SERINC5: variants seen among roughly 807,000 people sequenced by gnomAD.
The protein encoded by SERINC5 is serine incorporator 5, also known as chromosome 5 open reading frame 12.
A neutral mutation model predicts 63.1 loss-of-function variants in SERINC5; 41 were observed. That is an observed-to-expected ratio of 0.65 (90% CI 0.51 to 0.84). The LOEUF (loss-of-function observed/expected upper bound fraction) is 0.84, where lower values mean the gene tolerates loss of function less well. Among genes scored for constraint, SERINC5 ranks in the 40% least tolerant of loss-of-function variants. SERINC5 has a pLI of 0.00. For missense variants in SERINC5, 523 were observed against 573.0 expected, an observed-to-expected ratio of 0.91 and a Z score of 0.89; for synonymous variants, 222 against 215.2, an observed-to-expected ratio of 1.03 and a Z score of -0.28.
chr5:80,116,254 G>C, intron 11 of SERINC5: 1 of 455,240 alleles, frequency 2.2e-6, no homozygotes, highest in South Asian at 1.6e-5. Flanking sequence ...GTTGGGGCCA[G>C]AGATGTTTCC....
chr5:80,203,257 C>T (rs370112676), intron 1 of SERINC5: 121 of 257,576 alleles, frequency 4.7e-4, no homozygotes, highest in African/African-American at 1.3e-3. Context: ...TATATATACA[C>T]ATATATATAT....
intron 2 of SERINC5, among the ~76,000 whole-genome samples, chr5:80,181,743 GCA>G (rs772538391): frequency 3.9e-5 from 6 of 152,220 alleles, no homozygotes; most frequent in South Asian, 2.1e-4. Flanking sequence ...AGATAAACAA[GCA>G]CAGTCTTCAA....
At position 80,178,346 on chromosome 5, in the gene SERINC5, C is replaced by G. The variant is rs894437025; in HGVS notation, c.196-282G>C. ...AAAATTACCTTTTTTTTAACCGCCC[C>G]CACCCCCACCCCCACCCCACCCCCG... On this transcript the variant is annotated intron_variant, in intron 2 of 11. Transcript: ENST00000507668. 1.0e-4 allele frequency among the ~76,000 whole-genome samples: 12 copies of G among 116,488 alleles called. No homozygotes were observed. In the South Asian group the frequency reaches 1.2e-3, roughly 12 times the overall value. 76.4% of individuals were successfully genotyped at this position (116,488 alleles called of 152,430 possible). A position where few individuals can be genotyped will look rare whatever the true frequency, so the allele number is the denominator to read the frequency against.
At chr5:80,248,154 A>C (rs995903975) in intron 1 of SERINC5, among the ~76,000 whole-genome samples, 5 of 152,194 alleles carry the variant, frequency 3.3e-5, no homozygotes, top group Non-Finnish European at 5.9e-5. Flanking sequence ...GCCTGGCCTC[A>C]TGATGAAGTT....
intron 1 of SERINC5, among the ~76,000 whole-genome samples, chr5:80,253,936 C>T (rs1320058076): frequency 1.3e-5 from 2 of 152,174 alleles, no homozygotes; most frequent in Admixed American, 6.6e-5. Context: ...GCTTTCCTTT[C>T]TTTTGAGATG....
rs549570881 is a variant in SERINC5 at position 80,141,695 on chromosome 5, C to T, written c.*1968G>A. 1.1e-5 allele frequency: 11 copies of T among 985,592 alleles called. No homozygotes were observed. The South Asian group carries it at 1.9e-4, about 17-fold the overall frequency. The allele number at this position is 985,592 out of a possible 1,614,324, so 61.1% of individuals were successfully genotyped here. A position where few individuals can be genotyped will look rare whatever the true frequency, so the allele number is the denominator to read the frequency against. ...ACTCCCTGAGCCCATTCCTGGCCCA[C>T]GGAACTCCTGTCCCCTAACTGATTC... On this transcript the variant is annotated 3_prime_UTR_variant, in exon 12 of 12. Coordinates refer to ENST00000507668, the MANE Select transcript of SERINC5 (RefSeq NM_001174072.3).
chr5:80,139,979 C>T lies in SERINC5; in HGVS notation c.*3684G>A, dbSNP rs1441747877. On this transcript the variant is annotated 3_prime_UTR_variant, in exon 12 of 12. Coordinates refer to ENST00000507668, the MANE Select transcript of SERINC5 (RefSeq NM_001174072.3). ...TAAATACAGGCTCTGGAATTTCCTTCGCAGGAAGGTGAAGCACCAATGATG... is the reference window on the plus strand; with the variant it reads ...TAAATACAGGCTCTGGAATTTCCTTTGCAGGAAGGTGAAGCACCAATGATG... 33 of 985,154 alleles carry T rather than the reference C, an allele frequency of 3.3e-5. No individual in the cohort carries two copies. The Admixed American group carries it at 1.7e-3, about 51-fold the overall frequency. 61.0% of individuals were successfully genotyped at this position (985,154 alleles called of 1,614,324 possible).
In SERINC5 at chr5:80,214,655, G is replaced by A. The variant is rs547973561; in HGVS notation, c.28-11602C>T. Reference sequence around the variant, plus strand: ...CTCATGCCTGTAATCCCAGCACTTTGGGAGGCCAAGGCAGGCGGATCACTT... The same window carrying A: ...CTCATGCCTGTAATCCCAGCACTTTAGGAGGCCAAGGCAGGCGGATCACTT... On this transcript the variant is annotated intron_variant, in intron 1 of 11. Coordinates refer to ENST00000507668, the MANE Select transcript of SERINC5 (RefSeq NM_001174072.3). Among the ~76,000 whole-genome samples, 6 of 152,252 alleles carry A rather than the reference G, an allele frequency of 3.9e-5. No homozygotes were observed. The South Asian group carries it at 1.2e-3, about 32-fold the overall frequency.
At chr5:80,163,043 C>G (rs1395945632) in intron 7 of SERINC5, among the ~76,000 whole-genome samples, 1 of 151,710 alleles carries the variant, frequency 6.6e-6, no homozygotes, top group Non-Finnish European at 1.5e-5. Flanking sequence ...TTAGTAGACA[C>G]GAGGTCTCAC....
At chr5:80,178,992 A>AT (rs140174357) in intron 2 of SERINC5, among the ~76,000 whole-genome samples, 19,144 of 152,058 alleles carry the variant, frequency 0.13, 1,766 homozygotes, top group East Asian at 0.48. Flanking sequence ...GTTCTGCAAT[A>AT]TTTTTTCCCA....
chr5:80,222,596 G>C (rs1473490566), intron 1 of SERINC5, among the ~76,000 whole-genome samples: 1 of 147,676 alleles, frequency 6.8e-6, no homozygotes, highest in Non-Finnish European at 1.5e-5. Flanking sequence ...GTTTGAGACG[G>C]AGTTTCGCTC....
In SERINC5 at chr5:80,165,818, C is replaced by T. The variant is rs184907094; in HGVS notation, c.859+565G>A. 8.4e-3 allele frequency among the ~76,000 whole-genome samples: 1,279 copies of T among 152,296 alleles called. 9 individuals carry two copies. Among genetic ancestry groups the T allele is most frequent in the Non-Finnish European group, 0.015 (1,004 of 68,022 alleles). On this transcript the variant is annotated intron_variant, in intron 7 of 11. Transcript: ENST00000507668. ...AAGCAAACTCCACAGCCAAACCTTT[C>T]CTCCTGTCTGTCCTACACACCAGGA...
intron 1 of SERINC5, among the ~76,000 whole-genome samples, chr5:80,230,468 C>G (rs1472195358): frequency 1.3e-5 from 1 of 79,630 alleles, no homozygotes; most frequent in Non-Finnish European, 2.4e-5. Context: ...AAAAAGAAAC[C>G]ATTGCTCTTC....
At position 80,146,297 on chromosome 5, in the gene SERINC5, G is replaced by C. The variant is rs968223495; in HGVS notation, c.1094-63C>G. 276 of 1,584,938 alleles carry C rather than the reference G, an allele frequency of 1.7e-4. 1 individual carries two copies. Among genetic ancestry groups the C allele is most frequent in the Non-Finnish European group, 1.9e-4 (219 of 1,158,722 alleles). On this transcript the variant is annotated intron_variant, in intron 10 of 11. Coordinates refer to ENST00000507668, the MANE Select transcript of SERINC5 (RefSeq NM_001174072.3). Reference sequence around the variant, plus strand: ...ATGTGTGTGTTTACCATTCAGCAAAGTCACGCTCGCTAATTCTACAGGGCT... The same window carrying C: ...ATGTGTGTGTTTACCATTCAGCAAACTCACGCTCGCTAATTCTACAGGGCT...
intron 7 of SERINC5, among the ~76,000 whole-genome samples, chr5:80,164,171 T>C (rs1019764812): frequency 5.9e-5 from 9 of 152,194 alleles, no homozygotes; most frequent in African/African-American, 1.9e-4. Context: ...TGATCTTTTG[T>C]ACTTTTGTGG....
intron 1 of SERINC5, among the ~76,000 whole-genome samples, chr5:80,227,717 C>T (rs932101770): frequency 2.0e-5 from 3 of 151,862 alleles, no homozygotes; most frequent in Non-Finnish European, 4.4e-5. Context: ...AGGGTGGGGG[C>T]GAACACCTGC....
intron 8 of SERINC5, among the ~76,000 whole-genome samples, chr5:80,156,477 C>G (rs1208119909): frequency 6.6e-6 from 1 of 152,160 alleles, no homozygotes; most frequent in African/African-American, 2.4e-5. Context: ...CCCGGGGGAA[C>G]TAACTCCTAG....
At chr5:80,115,281 C>T (rs768702516) in intron 11 of SERINC5, among the ~76,000 whole-genome samples, 7 of 151,956 alleles carry the variant, frequency 4.6e-5, no homozygotes, top group Non-Finnish European at 7.4e-5. Context: ...TCAAATGCAC[C>T]CCAGGTCCAG....
At chr5:80,116,989 C>T (rs1482697124) in intron 11 of SERINC5, among the ~76,000 whole-genome samples, 1 of 151,836 alleles carries the variant, frequency 6.6e-6, no homozygotes, top group African/African-American at 2.4e-5. Flanking sequence ...CCACCAGGCC[C>T]ATCTAATTTT....
Sources: gnomAD v4.1 joint callset for allele counts (sites outside exome capture counted in the v4.1 genomes callset) on GRCh38, gnomAD v4.1.1 for gene constraint, MANE v1.5 for transcripts, NCBI Gene and HGNC (gene_info 2026-07-23, HGNC 2026-07-21) for gene names.